AGBL4: variants seen among roughly 807,000 people sequenced by gnomAD.
AGBL4 encodes cytosolic carboxypeptidase 6.
AGBL4 carries 58 observed loss-of-function variants against 66.4 expected under a neutral mutation model. That is an observed-to-expected ratio of 0.87 (90% confidence interval 0.71 to 1.09). The LOEUF (loss-of-function observed/expected upper bound fraction) is 1.09. Ranked by LOEUF, AGBL4 falls within the 50% of genes least tolerant of loss-of-function variation. AGBL4 has a pLI of 0.00. For synonymous variants in AGBL4, 234 were observed against 222.9 expected (o/e 1.05, Z -0.44); for missense variants, 579 against 631.0 (o/e 0.92, Z 0.88).
intron 3 of AGBL4, among the ~76,000 whole-genome samples, chr1:49,335,963 G>C (rs1645430078): frequency 6.6e-6 from 1 of 151,966 alleles, no homozygotes; most frequent in Admixed American, 6.6e-5. Context: ...GCATATGTTA[G>C]TCTGGGTTCT....
intron 1 of AGBL4, among the ~76,000 whole-genome samples, chr1:49,981,841 T>C (rs1422135129): frequency 2.6e-5 from 4 of 152,238 alleles, no homozygotes; most frequent in Non-Finnish European, 4.4e-5. Context: ...ATCCTTTGGC[T>C]CTTTTATCTA....
At chr1:49,658,887 A>G (rs1646210624) in intron 3 of AGBL4, among the ~76,000 whole-genome samples, 1 of 152,076 alleles carries the variant, frequency 6.6e-6, no homozygotes, top group African/African-American at 2.4e-5. Flanking sequence ...GAGGGATAGC[A>G]TTAGGAGATA....
At chr1:49,179,346 T>C (rs1646887204) in intron 4 of AGBL4, among the ~76,000 whole-genome samples, 3 of 152,216 alleles carry the variant, frequency 2.0e-5, no homozygotes. Context: ...GAATTATATA[T>C]AGGGGGTTAT....
chr1:49,454,622 C>T (rs914662256), intron 3 of AGBL4, among the ~76,000 whole-genome samples: 1 of 151,634 alleles, frequency 6.6e-6, no homozygotes, highest in African/African-American at 2.4e-5. Flanking sequence ...TAATTAACTG[C>T]CTACATTGTC....
intron 3 of AGBL4, among the ~76,000 whole-genome samples, chr1:49,679,385 G>A (rs1646644838): frequency 6.6e-6 from 1 of 151,996 alleles, no homozygotes; most frequent in Non-Finnish European, 1.5e-5. Flanking sequence ...GTGCTTGTGT[G>A]TGTATGTTTG....
chr1:49,867,979 A>G (rs1364436605), intron 1 of AGBL4, among the ~76,000 whole-genome samples: 3 of 152,122 alleles, frequency 2.0e-5, no homozygotes, highest in Admixed American at 6.5e-5. Flanking sequence ...GAGACCCAAT[A>G]ATAGACAAAC....
At chr1:49,998,807 G>A (rs1660542621) in intron 1 of AGBL4, among the ~76,000 whole-genome samples, 1 of 152,020 alleles carries the variant, frequency 6.6e-6, no homozygotes, top group Non-Finnish European at 1.5e-5. Flanking sequence ...GTGAAACACT[G>A]CATAAACAGA....
chr1:49,190,022 T>C (rs1249833422), intron 4 of AGBL4, among the ~76,000 whole-genome samples: 4 of 152,240 alleles, frequency 2.6e-5, no homozygotes, highest in Admixed American at 6.5e-5. Flanking sequence ...CTGTGGCATA[T>C]TGCATGTGTA....
chr1:49,947,059 A>C (rs1311628346), intron 1 of AGBL4, among the ~76,000 whole-genome samples: 1 of 151,418 alleles, frequency 6.6e-6, no homozygotes, highest in Admixed American at 6.6e-5. Flanking sequence ...TTGAAATGGT[A>C]ATTAAAAAAA....
intron 9 of AGBL4, among the ~76,000 whole-genome samples, chr1:48,616,989 C>T (rs1570017057): frequency 1.3e-5 from 2 of 152,220 alleles, no homozygotes; most frequent in East Asian, 3.9e-4. Context: ...ATCTCTCTAC[C>T]CCCAAAGCAC....
intron 4 of AGBL4, among the ~76,000 whole-genome samples, chr1:49,214,169 A>G (rs1648892632): frequency 2.0e-5 from 3 of 152,140 alleles, no homozygotes; most frequent in Non-Finnish European, 2.9e-5. Flanking sequence ...TGTCTAGCCC[A>G]TGGTAGGTAG....
chr1:48,988,083 C>T (rs904774777), intron 5 of AGBL4, among the ~76,000 whole-genome samples: 9 of 152,046 alleles, frequency 5.9e-5, no homozygotes, highest in Admixed American at 5.9e-4. Context: ...TCCTGACCCA[C>T]CCCCTCATTC....
chr1:48,606,431 A>C (rs1191542589), intron 9 of AGBL4, among the ~76,000 whole-genome samples: 1 of 152,154 alleles, frequency 6.6e-6, no homozygotes, highest in African/African-American at 2.4e-5. Context: ...ATTTAGATGG[A>C]GGTAAAGAGG....
intron 6 of AGBL4, among the ~76,000 whole-genome samples, chr1:48,774,528 G>A (rs1404821930): frequency 6.6e-6 from 1 of 152,170 alleles, no homozygotes; most frequent in Non-Finnish European, 1.5e-5. Context: ...AAGGGGAAGT[G>A]TTTTTCAACT....
chr1:49,934,862 C>T (rs1055435253), intron 1 of AGBL4, among the ~76,000 whole-genome samples: 7 of 151,444 alleles, frequency 4.6e-5, no homozygotes, highest in Admixed American at 3.3e-4. Flanking sequence ...GCCAAGATGG[C>T]CGAATAGGAA....
In AGBL4 at chr1:49,919,293, T is replaced by C. The variant is rs536335039; in HGVS notation, c.35-67775A>G. On this transcript the variant is annotated intron_variant, in intron 1 of 13. Transcript: ENST00000371839. The stretch of plus-strand genomic sequence containing the variant: ...TCAATTAGGAAAACAGGAAGTCACA[T>C]TGGCCCTGTTTGCAGATGACATAAT... Among the ~76,000 whole-genome samples the C allele has an allele frequency of 8.5e-5, 13 of 152,328 alleles. No homozygotes were observed. In the South Asian group the frequency reaches 1.4e-3, roughly 17 times the overall value.
intron 3 of AGBL4, among the ~76,000 whole-genome samples, chr1:49,611,891 C>G (rs1455436788): frequency 2.0e-5 from 3 of 152,192 alleles, no homozygotes; most frequent in African/African-American, 7.2e-5. Context: ...ATACAATACA[C>G]TAGACCATCT....
At chr1:49,893,730 GTT>G (rs1648889378) in intron 1 of AGBL4, among the ~76,000 whole-genome samples, 2 of 152,186 alleles carry the variant, frequency 1.3e-5, no homozygotes, top group Non-Finnish European at 1.5e-5. Flanking sequence ...GATTTCTAAG[GTT>G]TTTTGACTCC....
intron 3 of AGBL4, among the ~76,000 whole-genome samples, chr1:49,332,633 T>C (rs1231390361): frequency 6.6e-6 from 1 of 152,206 alleles, no homozygotes; most frequent in Non-Finnish European, 1.5e-5. Context: ...AAATTAACTT[T>C]AGTAAAACCC....
Sources: allele counts gnomAD v4.1 joint callset (sites outside exome capture counted in the v4.1 genomes callset), GRCh38; gene constraint gnomAD v4.1.1; transcripts MANE v1.5; gene names NCBI Gene and HGNC (gene_info 2026-07-23, HGNC 2026-07-21).